Variants in ENTREP2 observed in about 807,000 individuals in gnomAD.
The protein encoded by ENTREP2 is protein ENTREP2.
the ENTREP2 span, among the ~76,000 whole-genome samples, chr15:29,656,714 G>T: frequency 5.9e-5 from 9 of 152,140 alleles, no homozygotes; most frequent in African/African-American, 1.9e-4. Context: ...TCGCAAGGAC[G>T]TGGTGCAACA....
At chr15:29,129,166 C>G in the ENTREP2 span, among the ~76,000 whole-genome samples, 1 of 152,194 alleles carries the variant, frequency 6.6e-6, no homozygotes, top group Non-Finnish European at 1.5e-5. Context: ...CGGATTCAAG[C>G]GATTCTCCTG....
the ENTREP2 span, among the ~76,000 whole-genome samples, chr15:29,397,130 C>T: frequency 6.6e-6 from 1 of 152,180 alleles, no homozygotes; most frequent in Non-Finnish European, 1.5e-5. Context: ...GTGGCTCACA[C>T]CTGTAATCTC....
the ENTREP2 span, among the ~76,000 whole-genome samples, chr15:29,632,098 G>A: frequency 6.6e-6 from 1 of 152,190 alleles, no homozygotes; most frequent in Non-Finnish European, 1.5e-5. Flanking sequence ...TTTTCCATCT[G>A]TGCCTTATGG....
At chr15:29,123,478 G>A in the ENTREP2 span, 2 of 1,551,684 alleles carry the variant, frequency 1.3e-6, no homozygotes, top group African/African-American at 1.4e-5. Flanking sequence ...CAAAAACTTG[G>A]CCACCAAAAC....
the ENTREP2 span, among the ~76,000 whole-genome samples, chr15:29,276,595 T>A: frequency 1.3e-5 from 2 of 152,332 alleles, no homozygotes; most frequent in African/African-American, 4.8e-5. Flanking sequence ...CCTAGCCACT[T>A]GTGCCCTTGC....
the ENTREP2 span, among the ~76,000 whole-genome samples, chr15:29,571,139 G>A: frequency 6.6e-6 from 1 of 151,690 alleles, no homozygotes; most frequent in Non-Finnish European, 1.5e-5. Flanking sequence ...CCCGGGAGCC[G>A]GGAGAGGGGC....
chr15:29,386,174 A>C, the ENTREP2 span, among the ~76,000 whole-genome samples: 1 of 152,224 alleles, frequency 6.6e-6, no homozygotes, highest in African/African-American at 2.4e-5. Flanking sequence ...ACCAGGATAC[A>C]GAAAGCCCTC....
chr15:29,327,192 G>A, the ENTREP2 span, among the ~76,000 whole-genome samples: 1 of 152,124 alleles, frequency 6.6e-6, no homozygotes. Context: ...AGAAGTCACA[G>A]ACTGAAAGAA....
the ENTREP2 span, among the ~76,000 whole-genome samples, chr15:29,303,325 T>TA: frequency 1.3e-5 from 2 of 152,254 alleles, no homozygotes; most frequent in African/African-American, 4.8e-5. Context: ...TTTGTTTTCT[T>TA]AGTTGATGTA....
the ENTREP2 span, among the ~76,000 whole-genome samples, chr15:29,573,299 A>G: frequency 6.6e-6 from 1 of 152,206 alleles, no homozygotes; most frequent in Non-Finnish European, 1.5e-5. Flanking sequence ...AACTTACTTC[A>G]CATTTCTATC....
At chr15:29,185,092 A>C in the ENTREP2 span, among the ~76,000 whole-genome samples, 6 of 152,104 alleles carry the variant, frequency 3.9e-5, no homozygotes, top group African/African-American at 1.4e-4. Flanking sequence ...AAAAAAAAAA[A>C]AAGTTATTAG....
chr15:29,670,514 C>T, the ENTREP2 span, among the ~76,000 whole-genome samples: 3 of 152,210 alleles, frequency 2.0e-5, no homozygotes, highest in African/African-American at 7.2e-5. Flanking sequence ...AATGCCACCA[C>T]TTAAGAGGTT....
chr15:29,390,007 C>A, the ENTREP2 span, among the ~76,000 whole-genome samples: 1 of 151,940 alleles, frequency 6.6e-6, no homozygotes, highest in African/African-American at 2.4e-5. Context: ...GAGGCTTAAC[C>A]CTAATGACGG....
At chr15:29,257,348 C>T in the ENTREP2 span, among the ~76,000 whole-genome samples, 1 of 152,114 alleles carries the variant, frequency 6.6e-6, no homozygotes, top group African/African-American at 2.4e-5. Context: ...GCTGGGATTA[C>T]AGGCGTGAGC....
At chr15:29,191,113 G>C in the ENTREP2 span, among the ~76,000 whole-genome samples, 8 of 152,066 alleles carry the variant, frequency 5.3e-5, no homozygotes, top group African/African-American at 2.4e-5. Flanking sequence ...TGCAGTCAAA[G>C]TCATCAGGCA....
the ENTREP2 span, among the ~76,000 whole-genome samples, chr15:29,162,746 G>C: frequency 6.6e-6 from 1 of 151,612 alleles, no homozygotes; most frequent in Admixed American, 6.6e-5. Context: ...GAAAACAAAG[G>C]ACATATAATC....
At chr15:29,170,860 A>G in the ENTREP2 span, among the ~76,000 whole-genome samples, 1 of 152,120 alleles carries the variant, frequency 6.6e-6, no homozygotes, top group Non-Finnish European at 1.5e-5. Context: ...GTCTTAGTCT[A>G]TTTTCTGCTG....
the ENTREP2 span, among the ~76,000 whole-genome samples, chr15:29,146,065 A>G: frequency 6.6e-6 from 1 of 152,244 alleles, no homozygotes; most frequent in African/African-American, 2.4e-5. Flanking sequence ...TTATGATAGC[A>G]TCAAGAAGAA....
the ENTREP2 span, among the ~76,000 whole-genome samples, chr15:29,591,051 T>C: frequency 6.6e-6 from 1 of 152,180 alleles, no homozygotes; most frequent in Admixed American, 6.5e-5. Flanking sequence ...CTGTCAAACA[T>C]TATTAAATAC....
Sources: allele counts gnomAD v4.1 joint callset (sites outside exome capture counted in the v4.1 genomes callset), GRCh38; gene constraint gnomAD v4.1.1; transcripts MANE v1.5; gene names NCBI Gene and HGNC (gene_info 2026-07-23, HGNC 2026-07-21).